The following SAMD12 variants were observed in gnomAD, a reference collection of about 807,000 sequenced individuals.
SAMD12 encodes sterile alpha motif domain containing 12.
A neutral mutation model predicts 15.0 loss-of-function variants in SAMD12; 9 were observed. The ratio of observed to expected loss-of-function variants is 0.60; its 90% CI spans 0.36 to 1.05. The LOEUF (loss-of-function observed/expected upper bound fraction) is 1.05, where lower values mean the gene tolerates loss of function less well. Among genes scored for constraint, SAMD12 ranks in the 50% least tolerant of loss-of-function variants. SAMD12 has a pLI of 0.01. For synonymous variants in SAMD12, 86 were observed against 90.1 expected, an observed-to-expected ratio of 0.96 and a Z score of 0.25; for missense variants, 230 against 234.2, an observed-to-expected ratio of 0.98 and a Z score of 0.12.
intron 1 of SAMD12, chr8:118,621,255 G>A (rs1442964159): frequency 6.5e-6 from 1 of 154,592 alleles, no homozygotes; most frequent in East Asian, 1.9e-4. Context: ...CCGGGGCGCT[G>A]GCTGTATAAG....
chr8:118,569,557 T>G lies in SAMD12; in HGVS notation c.192+11158A>C, dbSNP rs565628985. Among the ~76,000 whole-genome samples the G allele has an allele frequency of 1.6e-4, 24 of 152,104 alleles. 1 individual carries two copies. Among genetic ancestry groups the G allele is most frequent in the African/African-American group, 5.8e-4 (24 of 41,420 alleles). ...TGAAGCCCTAACCCCCAATAAGGTG[T>G]TGTTTGAAAGTAGGGCCTTTGAGAG... On this transcript the variant is annotated intron_variant, in intron 2 of 3. Transcript: ENST00000314727.
the SAMD12 span, among the ~76,000 whole-genome samples, chr8:118,178,186 AG>A: frequency 6.6e-6 from 1 of 152,240 alleles, no homozygotes; most frequent in African/African-American, 2.4e-5. Flanking sequence ...AACAAGCGTA[AG>A]CCCCATACAT....
intron 1 of SAMD12, among the ~76,000 whole-genome samples, chr8:118,598,336 CTAATA>C (rs1357316828): frequency 6.6e-6 from 1 of 152,136 alleles, no homozygotes; most frequent in African/African-American, 2.4e-5. Flanking sequence ...GGGTCTTAAT[CTAATA>C]TGACTGATGT....
chr8:118,323,533 G>C (rs1035491023), intron 4 of SAMD12, among the ~76,000 whole-genome samples: 4 of 152,004 alleles, frequency 2.6e-5, no homozygotes, highest in African/African-American at 9.7e-5. Flanking sequence ...AGGCCGAGTT[G>C]GGTGGATTGC....
chr8:118,574,287 T>C (rs1827095259), intron 2 of SAMD12, among the ~76,000 whole-genome samples: 1 of 152,224 alleles, frequency 6.6e-6, no homozygotes, highest in African/African-American at 2.4e-5. Context: ...CCTTTTACAT[T>C]GTCAAATGGC....
chr8:118,452,461 G>A (rs1294564211), intron 2 of SAMD12, among the ~76,000 whole-genome samples: 1 of 152,000 alleles, frequency 6.6e-6, no homozygotes, highest in Non-Finnish European at 1.5e-5. Context: ...CAAATACTAG[G>A]TTTCATACAA....
chr8:118,429,403 CA>C (rs1210743200), intron 3 of SAMD12, among the ~76,000 whole-genome samples: 3 of 151,936 alleles, frequency 2.0e-5, no homozygotes, highest in Non-Finnish European at 4.4e-5. Flanking sequence ...TTCCAAAATC[CA>C]AAAAAATACA....
intron 4 of SAMD12, among the ~76,000 whole-genome samples, chr8:118,288,620 T>C (rs892396987): frequency 6.6e-6 from 1 of 152,250 alleles, no homozygotes; most frequent in African/African-American, 2.4e-5. Context: ...TTTAATTTCA[T>C]GACTAGTATA....
chr8:118,443,845 A>T (rs1000343386), intron 2 of SAMD12, among the ~76,000 whole-genome samples: 1 of 152,172 alleles, frequency 6.6e-6, no homozygotes, highest in Non-Finnish European at 1.5e-5. Flanking sequence ...AAATGTTGGG[A>T]GTGAATGGCA....
chr8:118,460,815 T>C (rs192615923), intron 2 of SAMD12, among the ~76,000 whole-genome samples: 1 of 152,300 alleles, frequency 6.6e-6, no homozygotes, highest in African/African-American at 2.4e-5. Flanking sequence ...TCTCTCAAAC[T>C]GTGCTTGGCT....
chr8:118,282,526 T>C (rs1307631815), intron 4 of SAMD12, among the ~76,000 whole-genome samples: 1 of 152,196 alleles, frequency 6.6e-6, no homozygotes, highest in Non-Finnish European at 1.5e-5. Flanking sequence ...TTCAAGAAAT[T>C]GTTGAAGTTG....
chr8:118,484,461 C>T (rs963995783), intron 2 of SAMD12, among the ~76,000 whole-genome samples: 4 of 151,978 alleles, frequency 2.6e-5, no homozygotes, highest in African/African-American at 4.8e-5. Context: ...AAAATTAGAG[C>T]GGGCTGGCTG....
At chr8:118,328,806 T>C (rs1271467446) in intron 4 of SAMD12, among the ~76,000 whole-genome samples, 4 of 152,292 alleles carry the variant, frequency 2.6e-5, no homozygotes, top group African/African-American at 7.2e-5. Context: ...TGCTCTTCCT[T>C]GTTCATAGTC....
At chr8:118,364,720 A>G (rs1483283486) in intron 4 of SAMD12, among the ~76,000 whole-genome samples, 1 of 152,152 alleles carries the variant, frequency 6.6e-6, no homozygotes, top group Non-Finnish European at 1.5e-5. Flanking sequence ...AAAACAAAAC[A>G]ATTCTGCTGC....
At chr8:118,316,369 C>CAAAAAAAAAAAAAAA (rs71307444) in intron 4 of SAMD12, among the ~76,000 whole-genome samples, 14 of 114,120 alleles carry the variant, frequency 1.2e-4, no homozygotes, top group East Asian at 2.5e-4. Context: ...CCCATGTCTA[C>CAAAAAAAAAAAAAAA]AAAAAAAAAA....
chr8:118,459,033 TA>T (rs1045307561), intron 2 of SAMD12, among the ~76,000 whole-genome samples: 1 of 149,996 alleles, frequency 6.7e-6, no homozygotes, highest in African/African-American at 2.5e-5. Flanking sequence ...ATATTGCTTT[TA>T]AAAAAAATCT....
rs777418342 is a variant in SAMD12, at chr8:118,379,528, A to C, written c.495T>G (p.Asp165Glu). Residue 165 changes from aspartate to glutamate, a missense_variant, in exon 4 of 4, where the codon GAT (aspartate) becomes GAG (glutamate). By Grantham distance (45) the Asp-to-Glu change is conservative. Coordinates refer to ENST00000314727, the MANE Select transcript of SAMD12 (RefSeq NM_207506.3). ...AGGTGGTCTTTCTTCTAATCTCCCCATCCATCCACCCATCAGGAAGCAATA... is the reference window on the plus strand; with the variant it reads ...AGGTGGTCTTTCTTCTAATCTCCCCCTCCATCCACCCATCAGGAAGCAATA... Reference protein sequence around the residue: ...GTLLLPDGWMDGEIRRKTTLL... With the variant: ...GTLLLPDGWMEGEIRRKTTLL... The C allele has an allele frequency of 2.5e-6, 4 of 1,613,764 alleles. No homozygotes were observed. The highest frequency in any genetic ancestry group is 3.4e-6 in the Non-Finnish European group (4 of 1,179,764).
At chr8:118,455,027 G>A (rs924727640) in intron 2 of SAMD12, among the ~76,000 whole-genome samples, 1 of 152,216 alleles carries the variant, frequency 6.6e-6, no homozygotes, top group African/African-American at 2.4e-5. Context: ...CATCTTGGAA[G>A]AGTTGTATGA....
In SAMD12 at chr8:118,580,859, A is replaced by G. The variant is rs1827278109; in HGVS notation, c.48T>C (p.Asp16=). ...LHCGLNPRGI[D]HPAHAEGIKL... is the part of the protein sequence containing the mutation. ...TAATACCTTCAGCATGGGCAGGGTGATCAATACCCCGTGGATTCAAACCAC... is the reference window on the plus strand; with the variant it reads ...TAATACCTTCAGCATGGGCAGGGTGGTCAATACCCCGTGGATTCAAACCAC... Residue 16 remains aspartate, a synonymous_variant, in exon 2 of 4, where the codon GAT becomes GAC. Coordinates refer to ENST00000314727, the MANE Select transcript of SAMD12 (RefSeq NM_207506.3). 1 of 1,612,960 alleles carries G rather than the reference A, an allele frequency of 6.2e-7. No homozygotes were observed. The highest frequency in any genetic ancestry group is 1.1e-5 in the South Asian group (1 of 90,944).
Sources: allele counts gnomAD v4.1 joint callset (sites outside exome capture counted in the v4.1 genomes callset), GRCh38; gene constraint gnomAD v4.1.1; transcripts MANE v1.5; gene names NCBI Gene and HGNC (gene_info 2026-07-23, HGNC 2026-07-21).